Variants in FBXO22 observed in about 807,000 individuals in gnomAD.
The protein encoded by FBXO22 is F-box only protein 22.
Under a neutral mutation model 37.2 loss-of-function variants are expected in FBXO22, and 13 were observed. The observed-to-expected ratio is 0.35, with a 90% CI of 0.23 to 0.56. FBXO22 has a LOEUF of 0.56. Ranked by LOEUF, FBXO22 falls within the 20% of genes least tolerant of loss-of-function variation. The probability of loss-of-function intolerance (pLI) is 0.87; values close to 1 mark genes in which losing one functional copy is unlikely to be tolerated. For synonymous variants in FBXO22, 189 were observed against 189.1 expected (o/e 1.00, Z 0.00); for missense variants, 446 against 509.9 (o/e 0.87, Z 1.21).
rs777867295 is a variant in FBXO22, at chr15:75,929,995, A to G, written c.740A>G (p.Asn247Ser). The stretch of plus-strand genomic sequence containing the variant: ...GTAGTCAGCACTTTCAGTGATATGA[A>G]TATCATCTTGGCTGGAGGCCAGGTG... ...QQVVSTFSDMNIILAGGQVDN... is the reference protein window; with the variant it reads ...QQVVSTFSDMSIILAGGQVDN... The change falls in exon 6 of 7, where the codon AAT becomes AGT. Residue 247 changes from asparagine to serine, a missense_variant. Physicochemically the swap from Asn to Ser is conservative, Grantham distance 46. Coordinates refer to ENST00000308275, the MANE Select transcript of FBXO22 (RefSeq NM_147188.3). 6.2e-6 allele frequency: 10 copies of G among 1,613,986 alleles called. No individual in the cohort carries two copies. The highest frequency in any genetic ancestry group is 7.6e-6 in the Non-Finnish European group (9 of 1,179,982).
intron 4 of FBXO22, 55 bp downstream of exon 4, chr15:75,914,260 T>C (rs1184741115): frequency 8.1e-7 from 1 of 1,235,490 alleles, no homozygotes; most frequent in Non-Finnish European, 1.2e-6. Context: ...TGGGGTCCTT[T>C]GGATTGGTGA....
intron 2 of FBXO22, among the ~76,000 whole-genome samples, chr15:75,911,280 GT>G (rs1387655046): frequency 6.6e-6 from 1 of 152,160 alleles, no homozygotes; most frequent in Non-Finnish European, 1.5e-5. Context: ...ATTTAAAGTA[GT>G]TTTTTCTCAC....
chr15:75,942,170 G>A lies in FBXO22; in HGVS notation c.*9068G>A, dbSNP rs941965070. 2.0e-5 allele frequency: 3 copies of A among 151,540 alleles called. No homozygotes were observed. Among genetic ancestry groups the A allele is most frequent in the Admixed American group, 1.3e-4 (2 of 15,212 alleles). The allele number at this position is 151,540 out of a possible 1,614,324, so 9.4% of individuals were successfully genotyped here. On this transcript the variant is annotated 3_prime_UTR_variant, in exon 7 of 7. Transcript: ENST00000308275. ...GAGGTTCAGTGGGAGAGAGGGAGGG[G>A]TAAATACATGGAGTAGAGATTTTTA...
intron 2 of FBXO22, among the ~76,000 whole-genome samples, chr15:75,910,746 G>A (rs973745561): frequency 6.6e-6 from 1 of 152,186 alleles, no homozygotes; most frequent in African/African-American, 2.4e-5. Flanking sequence ...TTCTTTTGCT[G>A]TGTAGAAGCT....
In FBXO22 at chr15:75,937,166, A is replaced by C. The variant is rs996669210; in HGVS notation, c.*4064A>C. 3 of 151,518 alleles carry C rather than the reference A, an allele frequency of 2.0e-5. No homozygotes were observed. The highest frequency in any genetic ancestry group is 7.3e-5 in the African/African-American group (3 of 41,298). The allele number at this position is 151,518 out of a possible 1,614,324, so 9.4% of individuals were successfully genotyped here. On this transcript the variant is annotated 3_prime_UTR_variant, in exon 7 of 7. Transcript: ENST00000308275. ...ATTGACCCCAGCGACATCAGCAAAA[A>C]TGGGTGGACTAGGAAGCTGCAAGCT...
At position 75,940,466 on chromosome 15, in the gene FBXO22, T is replaced by TG. The variant is rs1409943733; in HGVS notation, c.*7364_*7365insG. ...CAGAATCCTAGGATTTTTTTTTTTT[T>TG]TTTTGCAGAAATAGAAAAACCCATC... On this transcript the variant is annotated 3_prime_UTR_variant, in exon 7 of 7. Coordinates refer to ENST00000308275, the MANE Select transcript of FBXO22 (RefSeq NM_147188.3). 2 of 151,936 alleles carry TG rather than the reference T, an allele frequency of 1.3e-5. No homozygotes were observed. The highest frequency in any genetic ancestry group is 4.8e-5 in the African/African-American group (2 of 41,364). 9.4% of individuals were successfully genotyped at this position (151,936 alleles called of 1,614,324 possible). A position where few individuals can be genotyped will look rare whatever the true frequency, so the allele number is the denominator to read the frequency against.
At chr15:75,908,672 T>C (rs1180019820) in intron 2 of FBXO22, among the ~76,000 whole-genome samples, 6 of 152,206 alleles carry the variant, frequency 3.9e-5, no homozygotes, top group African/African-American at 1.4e-4. Context: ...GGTAGCTCAA[T>C]AGTCGTAGCA....
chr15:75,904,225 C>T lies in FBXO22; in HGVS notation c.140+122C>T, dbSNP rs551722189. ...CAGGGCCGTCCCCGGCTCGCTCGCC[C>T]TACCTGAGGTGACCCCCTACCCGCG... On this transcript the variant is annotated intron_variant, in intron 1 of 6. Transcript: ENST00000308275. 3.0e-6 allele frequency: 4 copies of T among 1,345,616 alleles called. No homozygotes were observed. In the East Asian group the frequency reaches 1.0e-4, roughly 35 times the overall value. The allele number at this position is 1,345,616 out of a possible 1,614,324, so 83.4% of individuals were successfully genotyped here. A position where few individuals can be genotyped will look rare whatever the true frequency, so the allele number is the denominator to read the frequency against.
At chr15:75,919,481 C>T (rs1170786243) in intron 5 of FBXO22, among the ~76,000 whole-genome samples, 2 of 152,192 alleles carry the variant, frequency 1.3e-5, no homozygotes, top group Non-Finnish European at 2.9e-5. Flanking sequence ...TAAAAGATTG[C>T]AGGCTTGTAG....
intron 4 of FBXO22, among the ~76,000 whole-genome samples, chr15:75,915,886 C>T (rs1329740567): frequency 6.9e-6 from 1 of 145,692 alleles, no homozygotes; most frequent in African/African-American, 2.5e-5. Context: ...GATGATAGAG[C>T]AAGACTCTGT....
At chr15:75,927,391 CAG>C (rs1417330707) in intron 5 of FBXO22, among the ~76,000 whole-genome samples, 3 of 152,134 alleles carry the variant, frequency 2.0e-5, no homozygotes, top group Non-Finnish European at 4.4e-5. Flanking sequence ...GCTTAGAAAA[CAG>C]GAGGAAAGGT....
intron 5 of FBXO22, among the ~76,000 whole-genome samples, chr15:75,918,101 T>C (rs1198889265): frequency 1.3e-5 from 2 of 152,324 alleles, no homozygotes; most frequent in East Asian, 3.9e-4. Flanking sequence ...ACTTCATTCA[T>C]TAAAAATCAC....
rs1414288503 is a variant in FBXO22, at chr15:75,941,541, A to G, written c.*8439A>G. The stretch of plus-strand genomic sequence containing the variant: ...AACAACCCAAATACCCAACAGATGA[A>G]TGGATAGACAAAATGTGTTATATCC... On this transcript the variant is annotated 3_prime_UTR_variant, in exon 7 of 7. Transcript: ENST00000308275. 1 of 152,232 alleles carries G rather than the reference A, an allele frequency of 6.6e-6. No individual in the cohort carries two copies. The highest frequency in any genetic ancestry group is 1.5e-5 in the Non-Finnish European group (1 of 68,030). 9.4% of individuals were successfully genotyped at this position (152,232 alleles called of 1,614,324 possible). A position where few individuals can be genotyped will look rare whatever the true frequency, so the allele number is the denominator to read the frequency against.
At position 75,904,082 on chromosome 15, in the gene FBXO22, A is replaced by C; in HGVS notation, c.119A>C (p.Lys40Thr). The C allele has an allele frequency of 6.5e-7, 1 of 1,547,876 alleles. No homozygotes were observed. Among genetic ancestry groups the C allele is most frequent in the Non-Finnish European group, 8.7e-7 (1 of 1,144,416 alleles). ...CGTGTGCTCACCTTCCTGCCCGCCA[A>C]GGCGTTGCTGCGGGTGGCCTGGTGA... Reference protein sequence around the residue: ...VERVLTFLPAKALLRVACVCR... With the variant: ...VERVLTFLPATALLRVACVCR... Residue 40 changes from lysine (K) to threonine (T), a missense_variant, in exon 1 of 7, where the codon AAG (lysine) becomes ACG (threonine). Coordinates refer to ENST00000308275, the MANE Select transcript of FBXO22 (RefSeq NM_147188.3).
At chr15:75,908,245 C>T (rs1440354723) in intron 2 of FBXO22, among the ~76,000 whole-genome samples, 1 of 151,524 alleles carries the variant, frequency 6.6e-6, no homozygotes, top group African/African-American at 2.4e-5. Flanking sequence ...AGAGTTGCCA[C>T]TAAGACCTAA....
At chr15:75,919,564 C>T (rs995951614) in intron 5 of FBXO22, among the ~76,000 whole-genome samples, 5 of 152,154 alleles carry the variant, frequency 3.3e-5, no homozygotes, top group African/African-American at 1.2e-4. Flanking sequence ...CTCCATTTTC[C>T]TCATCTATAA....
intron 2 of FBXO22, among the ~76,000 whole-genome samples, chr15:75,910,691 A>T (rs1900033133): frequency 6.6e-6 from 1 of 152,054 alleles, no homozygotes; most frequent in African/African-American, 2.4e-5. Context: ...AGGTTGCAAA[A>T]ATTTTCTCCC....
chr15:75,931,548 C>G (rs1025772549), intron 6 of FBXO22, among the ~76,000 whole-genome samples: 2 of 152,188 alleles, frequency 1.3e-5, no homozygotes, highest in African/African-American at 2.4e-5. Flanking sequence ...CCCTCACAAA[C>G]TTGTTTTACT....
Position 75,904,048 on chromosome 15 carries a change from G to A in FBXO22, c.85G>A (p.Val29Met), listed in dbSNP as rs1423296186. The change falls in exon 1 of 7, where the codon GTG becomes ATG. Residue 29 changes from valine (V) to methionine (M), a missense_variant. This residue lies in a region of FBXO22 where 131 missense variants were observed against 99.8 expected (regional missense o/e 1.31). Coordinates refer to ENST00000308275, the MANE Select transcript of FBXO22 (RefSeq NM_147188.3). ...STFVLSNLAE[V>M]VERVLTFLPA... ...CTTCGTGTTGAGTAACCTGGCGGAG[G>A]TGGTGGAGCGTGTGCTCACCTTCCT... 2 of 1,561,476 alleles carry A rather than the reference G, an allele frequency of 1.3e-6. No homozygotes were observed. Among genetic ancestry groups the A allele is most frequent in the African/African-American group, 2.7e-5 (2 of 74,174 alleles).
Sources: gnomAD v4.1 joint callset for allele counts (sites outside exome capture counted in the v4.1 genomes callset) on GRCh38, gnomAD v4.1.1 for gene constraint, gnomAD v4.1.1 regional missense constraint, MANE v1.5 for transcripts, NCBI Gene and HGNC (gene_info 2026-07-23, HGNC 2026-07-21) for gene names.